The following FSIP1 variants were observed in gnomAD, a reference collection of about 807,000 sequenced individuals.
FSIP1 encodes fibrous sheath interacting protein 1, also known as fibrous sheath-interacting protein 1.
In FSIP1, 65 loss-of-function variants were observed where a neutral mutation model predicts 60.9. That is an observed-to-expected ratio of 1.07 (90% CI 0.87 to 1.31). FSIP1 has a LOEUF of 1.31. FSIP1 is among the 40% of genes most tolerant of loss of function. The pLI is 0.00. For synonymous variants in FSIP1, 209 were observed against 221.2 expected (o/e 0.94, Z 0.49); for missense variants, 675 against 665.5 (o/e 1.01, Z -0.16).
chr15:39,760,552 T>C (rs1366371415), intron 5 of FSIP1, among the ~76,000 whole-genome samples: 1 of 152,112 alleles, frequency 6.6e-6, no homozygotes, highest in Non-Finnish European at 1.5e-5. Flanking sequence ...CATCTAATCA[T>C]GAGAAAACAT....
intron 8 of FSIP1, among the ~76,000 whole-genome samples, chr15:39,728,226 G>T (rs1896272570): frequency 6.6e-6 from 1 of 152,206 alleles, no homozygotes; most frequent in African/African-American, 2.4e-5. Flanking sequence ...GCAATTTACA[G>T]ATTCAATGCT....
chr15:39,732,708 T>C (rs887927274), intron 8 of FSIP1, among the ~76,000 whole-genome samples: 2 of 152,014 alleles, frequency 1.3e-5, no homozygotes, highest in Non-Finnish European at 2.9e-5. Context: ...ATAATTATCA[T>C]TTTAGTCATA....
intron 5 of FSIP1, among the ~76,000 whole-genome samples, chr15:39,760,371 AG>A (rs1238147889): frequency 1.3e-5 from 2 of 152,200 alleles, no homozygotes; most frequent in African/African-American, 4.8e-5. Flanking sequence ...TAATTGTAAA[AG>A]AAAAAAATAG....
chr15:39,766,706 T>C (rs867151664), intron 3 of FSIP1, among the ~76,000 whole-genome samples: 5 of 152,246 alleles, frequency 3.3e-5, no homozygotes, highest in Non-Finnish European at 7.3e-5. Flanking sequence ...GCATGAATGC[T>C]CAAACAGTAA....
intron 10 of FSIP1, among the ~76,000 whole-genome samples, chr15:39,699,070 C>T (rs1243218024): frequency 6.6e-6 from 1 of 152,130 alleles, no homozygotes; most frequent in East Asian, 1.9e-4. Flanking sequence ...TATCTATGCT[C>T]CAACTAAGAA....
chr15:39,672,045 T>G (rs1893741348), intron 10 of FSIP1, among the ~76,000 whole-genome samples: 1 of 152,140 alleles, frequency 6.6e-6, no homozygotes, highest in African/African-American at 2.4e-5. Flanking sequence ...GATAAAGACC[T>G]GGGGGAATAG....
intron 10 of FSIP1, among the ~76,000 whole-genome samples, chr15:39,707,331 C>T (rs1462421930): frequency 2.0e-5 from 3 of 152,124 alleles, no homozygotes; most frequent in African/African-American, 7.2e-5. Context: ...TCCCTTCCTA[C>T]CCTTCTTCAA....
intron 5 of FSIP1, among the ~76,000 whole-genome samples, chr15:39,761,852 T>C (rs1036647308): frequency 6.6e-6 from 1 of 152,238 alleles, no homozygotes; most frequent in Non-Finnish European, 1.5e-5. Flanking sequence ...ATTGTCAATT[T>C]ACAATAAAAA....
intron 10 of FSIP1, among the ~76,000 whole-genome samples, chr15:39,636,377 C>A (rs560737983): frequency 6.6e-6 from 1 of 152,186 alleles, no homozygotes; most frequent in Non-Finnish European, 1.5e-5. Flanking sequence ...AACTTTTTAG[C>A]ACCATAAGCT....
intron 8 of FSIP1, among the ~76,000 whole-genome samples, chr15:39,730,467 G>A (rs1041182495): frequency 6.6e-6 from 1 of 152,116 alleles, no homozygotes; most frequent in Admixed American, 6.5e-5. Flanking sequence ...TCAAGTAGAG[G>A]GCAAAGAAAC....
chr15:39,658,304 G>C (rs947814999), intron 10 of FSIP1, among the ~76,000 whole-genome samples: 3 of 148,352 alleles, frequency 2.0e-5, no homozygotes, highest in Non-Finnish European at 4.4e-5. Flanking sequence ...CCAGGCTGGA[G>C]TATAGTGGCG....
intron 5 of FSIP1, among the ~76,000 whole-genome samples, chr15:39,743,577 C>T (rs1331307059): frequency 6.6e-6 from 1 of 152,000 alleles, no homozygotes; most frequent in African/African-American, 2.4e-5. Flanking sequence ...CACCAATGAA[C>T]GATAAAACTA....
chr15:39,715,715 G>A (rs1177320187), intron 9 of FSIP1, among the ~76,000 whole-genome samples: 1 of 152,136 alleles, frequency 6.6e-6, no homozygotes, highest in Non-Finnish European at 1.5e-5. Context: ...CAGTGTTGGA[G>A]GTGGCGCCTG....
chr15:39,774,373 T>C (rs1897984251), intron 2 of FSIP1, among the ~76,000 whole-genome samples: 1 of 151,832 alleles, frequency 6.6e-6, no homozygotes, highest in Admixed American at 6.6e-5. Context: ...GCCCCGGCTA[T>C]TCGGGAGGCT....
chr15:39,729,595 C>T (rs1595670242), intron 8 of FSIP1, among the ~76,000 whole-genome samples: 1 of 152,030 alleles, frequency 6.6e-6, no homozygotes, highest in East Asian at 1.9e-4. Flanking sequence ...AAAAAAGACA[C>T]ATGCATGCGT....
intron 9 of FSIP1, among the ~76,000 whole-genome samples, chr15:39,725,918 G>T (rs1896175186): frequency 6.6e-6 from 1 of 151,904 alleles, no homozygotes; most frequent in Non-Finnish European, 1.5e-5. Context: ...TCGAGTAGCT[G>T]GGATTACAAG....
chr15:39,698,826 T>C (rs989190340), intron 10 of FSIP1, among the ~76,000 whole-genome samples: 2 of 152,242 alleles, frequency 1.3e-5, no homozygotes, highest in African/African-American at 2.4e-5. Context: ...TTAACCATTT[T>C]ATACCTGCCC....
intron 9 of FSIP1, among the ~76,000 whole-genome samples, chr15:39,720,762 C>CAAT (rs1895927106): frequency 6.6e-6 from 1 of 152,042 alleles, no homozygotes; most frequent in Admixed American, 6.5e-5. Flanking sequence ...GTGGGATTTA[C>CAAT]AATACGTGGA....
intron 8 of FSIP1, among the ~76,000 whole-genome samples, chr15:39,727,054 A>G (rs555371485): frequency 1.1e-3 from 163 of 152,304 alleles, no homozygotes; most frequent in Non-Finnish European, 1.4e-3. Context: ...TCTACATTCA[A>G]AAAATGTTTT....
Sources: allele counts gnomAD v4.1 joint callset (sites outside exome capture counted in the v4.1 genomes callset), GRCh38; gene constraint gnomAD v4.1.1; transcripts MANE v1.5; gene names NCBI Gene and HGNC (gene_info 2026-07-23, HGNC 2026-07-21).